TAFA1: variants seen among roughly 807,000 people sequenced by gnomAD.
TAFA1 encodes the protein TAFA chemokine like family member 1, also known as chemokine-like protein TAFA-1.
In TAFA1, 4 loss-of-function variants were observed where a neutral mutation model predicts 18.5. That is an observed-to-expected ratio of 0.22 (90% confidence interval 0.11 to 0.49). The LOEUF (loss-of-function observed/expected upper bound fraction) is 0.49. TAFA1 is among the 20% of genes least tolerant of loss of function. The pLI is 0.98. For missense variants in TAFA1, 147 were observed against 169.0 expected (o/e 0.87, Z 0.72); for synonymous variants, 56 against 55.2 (o/e 1.01, Z -0.06).
At chr3:68,471,045 G>T (rs1476955511) in intron 3 of TAFA1, among the ~76,000 whole-genome samples, 1 of 152,176 alleles carries the variant, frequency 6.6e-6, no homozygotes, top group Non-Finnish European at 1.5e-5. Context: ...TCCAGCCATG[G>T]CTAAAAGGGG....
At chr3:68,095,947 A>C (rs933412590) in intron 2 of TAFA1, among the ~76,000 whole-genome samples, 25 of 152,104 alleles carry the variant, frequency 1.6e-4, no homozygotes, top group African/African-American at 5.8e-4. Context: ...TATCATTTCT[A>C]TGTGTCGGGA....
chr3:68,101,433 C>G (rs139223623), intron 2 of TAFA1, among the ~76,000 whole-genome samples: 6 of 151,960 alleles, frequency 3.9e-5, no homozygotes, highest in African/African-American at 1.4e-4. Context: ...GGAACCAACC[C>G]AAATGTCCAA....
At chr3:68,202,445 G>A (rs901131882) in intron 2 of TAFA1, among the ~76,000 whole-genome samples, 1 of 151,488 alleles carries the variant, frequency 6.6e-6, no homozygotes, top group African/African-American at 2.4e-5. Context: ...TTTTGTCTGT[G>A]ACTCTTTTTC....
chr3:68,375,091 C>G (rs551038811), intron 2 of TAFA1, among the ~76,000 whole-genome samples: 1 of 152,114 alleles, frequency 6.6e-6, no homozygotes, highest in Non-Finnish European at 1.5e-5. Context: ...AGAAGATTCT[C>G]TTTTGGCATG....
intron 2 of TAFA1, among the ~76,000 whole-genome samples, chr3:68,203,958 C>A (rs1452783781): frequency 1.4e-4 from 12 of 84,216 alleles, no homozygotes; most frequent in Admixed American, 2.9e-4. Flanking sequence ...AGGCCCCCCC[C>A]ACCCCCCATG....
intron 2 of TAFA1, among the ~76,000 whole-genome samples, chr3:68,245,947 G>A (rs999869301): frequency 6.6e-6 from 1 of 152,170 alleles, no homozygotes; most frequent in Non-Finnish European, 1.5e-5. Flanking sequence ...TATGGTATAA[G>A]ACACAGGCAT....
chr3:68,406,003 T>C (rs985908325), intron 2 of TAFA1, among the ~76,000 whole-genome samples: 10 of 152,128 alleles, frequency 6.6e-5, no homozygotes, highest in African/African-American at 2.4e-4. Context: ...TTAATTACTT[T>C]TCATATACAA....
chr3:68,406,819 T>G (rs935879051), intron 2 of TAFA1, among the ~76,000 whole-genome samples: 7 of 152,196 alleles, frequency 4.6e-5, no homozygotes, highest in African/African-American at 4.8e-5. Flanking sequence ...AGAGTAAACG[T>G]TCCACAATAT....
At chr3:68,120,234 T>C (rs1377230814) in intron 2 of TAFA1, among the ~76,000 whole-genome samples, 1 of 137,736 alleles carries the variant, frequency 7.3e-6, no homozygotes, top group East Asian at 2.1e-4. Flanking sequence ...TCTTTCTTTC[T>C]TTCTTTCTTT....
chr3:68,317,584 T>C (rs772455965), intron 2 of TAFA1, among the ~76,000 whole-genome samples: 16 of 152,166 alleles, frequency 1.1e-4, no homozygotes, highest in Non-Finnish European at 1.6e-4. Flanking sequence ...GGCTAAAGTG[T>C]GCTCTGTTTT....
chr3:68,127,023 T>C (rs1390483334), intron 2 of TAFA1, among the ~76,000 whole-genome samples: 1 of 152,224 alleles, frequency 6.6e-6, no homozygotes, highest in Non-Finnish European at 1.5e-5. Context: ...TTGATGTTAC[T>C]ATGTAGCCTG....
chr3:68,305,627 A>G (rs1421556197), intron 2 of TAFA1, among the ~76,000 whole-genome samples: 1 of 151,568 alleles, frequency 6.6e-6, no homozygotes, highest in Admixed American at 6.6e-5. Flanking sequence ...TTTCCTAGCT[A>G]GAGTAAATAA....
intron 2 of TAFA1, among the ~76,000 whole-genome samples, chr3:68,045,259 C>T (rs1162799683): frequency 1.3e-5 from 2 of 152,120 alleles, no homozygotes; most frequent in Non-Finnish European, 1.5e-5. Context: ...AAGACCTAGG[C>T]TTGAAACTGG....
At position 68,370,798 on chromosome 3, in the gene TAFA1, T is replaced by TA. The variant is rs1246738756; in HGVS notation, c.119-46480dup. 5.1e-3 allele frequency among the ~76,000 whole-genome samples: 753 copies of TA among 148,504 alleles called. 3 individuals are homozygous for TA. The highest frequency in any genetic ancestry group is 7.6e-3 in the Admixed American group (113 of 14,848). On this transcript the variant is annotated intron_variant, in intron 2 of 4. Transcript: ENST00000478136. ...TTTCGTTGTTTTTTTTTTTTTTTTT[T>TA]AATTGTCTGGACTCATAATCCCTGA...
Position 68,019,963 on chromosome 3 carries a change from C to G in TAFA1, c.118+13219C>G, listed in dbSNP as rs78165399. 6.2e-3 allele frequency among the ~76,000 whole-genome samples: 950 copies of G among 152,272 alleles called. 42 individuals are homozygous for G. In the East Asian group the frequency reaches 0.13, roughly 21 times the overall value. The stretch of plus-strand genomic sequence containing the variant: ...ATCCTTCCAAGCACAGTATAGTTCT[C>G]CAGTCATTGAGTAATTAAATGAGAC... On this transcript the variant is annotated intron_variant, in intron 2 of 4. Transcript: ENST00000478136.
chr3:68,395,602 T>C (rs2070364003), intron 2 of TAFA1, among the ~76,000 whole-genome samples: 1 of 152,166 alleles, frequency 6.6e-6, no homozygotes, highest in African/African-American at 2.4e-5. Flanking sequence ...GTGGCACATA[T>C]ACACTATGGA....
chr3:68,050,159 T>C (rs556140800), intron 2 of TAFA1, among the ~76,000 whole-genome samples: 3 of 152,264 alleles, frequency 2.0e-5, no homozygotes, highest in Admixed American at 6.5e-5. Flanking sequence ...CTTTGGAAGG[T>C]GATGCCAGGA....
intron 2 of TAFA1, among the ~76,000 whole-genome samples, chr3:68,076,253 A>G (rs916332776): frequency 6.6e-6 from 1 of 151,290 alleles, no homozygotes; most frequent in African/African-American, 2.4e-5. Flanking sequence ...TCAACAAGCC[A>G]TAAGGGGTTT....
At chr3:68,292,206 C>T (rs963589596) in intron 2 of TAFA1, among the ~76,000 whole-genome samples, 1 of 152,030 alleles carries the variant, frequency 6.6e-6, no homozygotes, top group African/African-American at 2.4e-5. Context: ...TTCTTAGTAG[C>T]TGTGTCTTAT....
Sources: allele counts gnomAD v4.1 joint callset (sites outside exome capture counted in the v4.1 genomes callset), GRCh38; gene constraint gnomAD v4.1.1; transcripts MANE v1.5; gene names NCBI Gene and HGNC (gene_info 2026-07-23, HGNC 2026-07-21).